The following CAPN3 variants were observed in gnomAD, a reference collection of about 807,000 sequenced individuals.
CAPN3 encodes the protein calpain-3.
In CAPN3, 88 loss-of-function variants were observed where a neutral mutation model predicts 114.0. The ratio of observed to expected loss-of-function variants is 0.77; its 90% confidence interval spans 0.65 to 0.92. The LOEUF (loss-of-function observed/expected upper bound fraction) is 0.92, where lower values mean the gene tolerates loss of function less well. Ranked by LOEUF, CAPN3 falls within the 40% of genes least tolerant of loss-of-function variation. The pLI is 0.00. For missense variants in CAPN3, 1,028 were observed against 1,069.0 expected (o/e 0.96, Z 0.53); for synonymous variants, 386 against 382.9 (o/e 1.01, Z -0.09).
chr15:42,402,177 C>G (rs1253883056), intron 12 of CAPN3, 42 bp downstream of exon 12: 4 of 1,613,706 alleles, frequency 2.5e-6, no homozygotes, highest in Non-Finnish European at 3.4e-6. Context: ...GCAGCACTAC[C>G]CAGGGGGCCC....
At chr15:42,394,386 G>A (rs2053637931) in intron 8 of CAPN3, 45 bp downstream of exon 8, 2 of 1,456,926 alleles carry the variant, frequency 1.4e-6, no homozygotes, top group Admixed American at 2.0e-5. Flanking sequence ...GGGGAACAGG[G>A]TCCGGGACAA....
intron 15 of CAPN3, among the ~76,000 whole-genome samples, chr15:42,406,841 C>T (rs1323685421): frequency 6.6e-6 from 1 of 152,146 alleles, no homozygotes; most frequent in Non-Finnish European, 1.5e-5. Context: ...GGGATCCCCA[C>T]AAGCTTCAGC....
intron 1 of CAPN3, among the ~76,000 whole-genome samples, chr15:42,367,395 G>C (rs2052816243): frequency 6.6e-6 from 1 of 152,190 alleles, no homozygotes; most frequent in African/African-American, 2.4e-5. Flanking sequence ...TGGTGCCTCA[G>C]CTAACACTGG....
intron 13 of CAPN3, 48 bp downstream of exon 13, chr15:42,403,050 C>A (rs375169911): frequency 1.1e-4 from 162 of 1,514,138 alleles, no homozygotes; most frequent in East Asian, 9.0e-4. Context: ...GCTCACATGG[C>A]CCACTCCAGA....
chr15:42,361,565 A>G (rs1038420186), intron 1 of CAPN3, among the ~76,000 whole-genome samples: 23 of 152,238 alleles, frequency 1.5e-4, no homozygotes, highest in Middle Eastern at 3.4e-3. Flanking sequence ...GGTAAGGCCC[A>G]TAACTGTCCT....
chr15:42,385,927 G>A (rs1445011974), intron 2 of CAPN3: 1 of 707,180 alleles, frequency 1.4e-6, no homozygotes, highest in South Asian at 1.4e-5. Flanking sequence ...ACTGCCTGCA[G>A]CCTTGAGGAA....
In CAPN3 at chr15:42,405,907, G is replaced by A. The variant is rs1178393259; in HGVS notation, c.1783-19G>A. 1 of 1,607,506 alleles carries A rather than the reference G, an allele frequency of 6.2e-7. No individual in the cohort carries two copies. The highest frequency in any genetic ancestry group is 1.7e-5 in the Admixed American group (1 of 60,004). ...ACTTTTCACTTATTCTGCATTTACT[G>A]TTTCCTTTTCTTATGCAGAAAAAGA... On this transcript the variant is annotated intron_variant, in intron 14 of 23. Coordinates refer to ENST00000397163, the MANE Select transcript of CAPN3 (RefSeq NM_000070.3).
intron 7 of CAPN3, among the ~76,000 whole-genome samples, chr15:42,394,003 TC>T (rs2053625612): frequency 6.6e-6 from 1 of 152,154 alleles, no homozygotes; most frequent in Non-Finnish European, 1.5e-5. Flanking sequence ...GGCAGGATGT[TC>T]CTGAGAAAAT....
Position 42,390,798 on chromosome 15 carries a change from T to G in CAPN3, c.945+702T>G, listed in dbSNP as rs201672317. Among the ~76,000 whole-genome samples the G allele has an allele frequency of 6.0e-3, 904 of 149,802 alleles. 6 individuals carry two copies. The highest frequency in any genetic ancestry group is 9.3e-3 in the African/African-American group (377 of 40,408). ...GTTTTTTTTGTTTTTTTGTTTTTTT[T>G]TTTTTTTTTGGAAACCAAGTCTTGC... On this transcript the variant is annotated intron_variant, in intron 6 of 23. Transcript: ENST00000397163.
intron 13 of CAPN3, 129 bp from the exon 14 acceptor site, chr15:42,403,612 G>A: frequency 1.2e-6 from 1 of 843,148 alleles, no homozygotes; most frequent in Non-Finnish European, 2.1e-6. Context: ...GGGTTGGGGT[G>A]TTCCAGGGGT....
chr15:42,380,751 A>ATATATATATATATATAT (rs1436943739), intron 1 of CAPN3, among the ~76,000 whole-genome samples: 1 of 64,456 alleles, frequency 1.6e-5, no homozygotes, highest in African/African-American at 8.9e-5. Context: ...ATATATATAT[A>ATATATATATATATATAT]TTTTTTTTTT....
intron 1 of CAPN3, among the ~76,000 whole-genome samples, chr15:42,364,108 G>A (rs533897198): frequency 2.0e-5 from 3 of 152,194 alleles, no homozygotes; most frequent in Non-Finnish European, 4.4e-5. Context: ...CACCCCAGGG[G>A]TTGCCCCTGA....
chr15:42,384,376 C>T (rs1209326944), intron 1 of CAPN3, 107 bp from the exon 2 acceptor site: 2 of 809,398 alleles, frequency 2.5e-6, no homozygotes, highest in Non-Finnish European at 4.3e-6. Flanking sequence ...TGCACCAGTG[C>T]ACTGCAGCCT....
chr15:42,385,561 A>G lies in CAPN3; in HGVS notation c.380-606A>G, dbSNP rs80206750. ...AGAGAGAGAGAGAGAGAGAGAGAGAAAGAGAGCAAAGTGTTACCTCCAACT... is the reference window on the plus strand; with the variant it reads ...AGAGAGAGAGAGAGAGAGAGAGAGAGAGAGAGCAAAGTGTTACCTCCAACT... On this transcript the variant is annotated intron_variant, in intron 2 of 23. Transcript: ENST00000397163. 2,745 of 430,090 alleles carry G rather than the reference A, an allele frequency of 6.4e-3. 57 individuals carry two copies. Among genetic ancestry groups the G allele is most frequent in the African/African-American group, 0.046 (2,185 of 47,108 alleles). 26.6% of individuals were successfully genotyped at this position (430,090 alleles called of 1,614,324 possible).
chr15:42,369,618 C>CTGT, intron 1 of CAPN3, among the ~76,000 whole-genome samples: 1 of 152,260 alleles, frequency 6.6e-6, no homozygotes, highest in Middle Eastern at 3.4e-3. Context: ...GTAGGAGCCC[C>CTGT]TGTATGTTGC....
chr15:42,382,738 G>GA (rs1473522424), intron 1 of CAPN3, among the ~76,000 whole-genome samples: 1 of 152,014 alleles, frequency 6.6e-6, no homozygotes, highest in Non-Finnish European at 1.5e-5. Flanking sequence ...ATTTCTTTAT[G>GA]GTTTTGGTTT....
At position 42,386,243 on chromosome 15, in the gene CAPN3, T is replaced by C. The variant is rs751448923; in HGVS notation, c.456T>C (p.Asp152=). ...TTCTTTTCCGAGTCATACCCCATGA[T>C]CAAAGTTTCATCGAAAACTACGCAG... is the stretch of plus-strand genomic sequence containing the variant. ...QHLLFRVIPH[D]QSFIENYAGI... is the part of the protein sequence containing the mutation. Residue 152 remains aspartate, a synonymous_variant, in exon 3 of 24, where the codon GAT becomes GAC. Coordinates refer to ENST00000397163, the MANE Select transcript of CAPN3 (RefSeq NM_000070.3). The C allele has an allele frequency of 1.2e-6, 2 of 1,614,054 alleles. No homozygotes were observed. The highest frequency in any genetic ancestry group is 2.2e-5 in the South Asian group (2 of 91,078).
intron 1 of CAPN3, chr15:42,374,618 C>T (rs1020543216): frequency 2.0e-5 from 3 of 152,066 alleles, no homozygotes; most frequent in Non-Finnish European, 2.9e-5. Flanking sequence ...ATGGATCCCT[C>T]CTCTGGGCAA....
rs143942248 is a variant in CAPN3 at position 42,386,255 on chromosome 15, C to T, written c.468C>T (p.Ile156=). ...TCATACCCCATGATCAAAGTTTCAT[C>T]GAAAACTACGCAGGGATCTTCCACT... ...FRVIPHDQSF[I]ENYAGIFHFQ... is the part of the protein sequence containing the mutation. The change falls in exon 3 of 24, where the codon ATC becomes ATT. Residue 156 remains isoleucine (I), a synonymous_variant. Coordinates refer to ENST00000397163, the MANE Select transcript of CAPN3 (RefSeq NM_000070.3). The T allele has an allele frequency of 6.2e-7, 1 of 1,613,592 alleles. No homozygotes were observed. The highest frequency in any genetic ancestry group is 8.5e-7 in the Non-Finnish European group (1 of 1,179,528).
Sources: allele counts gnomAD v4.1 joint callset (sites outside exome capture counted in the v4.1 genomes callset), GRCh38; gene constraint gnomAD v4.1.1; transcripts MANE v1.5; gene names NCBI Gene and HGNC (gene_info 2026-07-23, HGNC 2026-07-21).